The following PCNX4 variants were observed in gnomAD, a reference collection of about 807,000 sequenced individuals.
The protein encoded by PCNX4 is pecanex-like protein 4.
PCNX4 carries 103 observed loss-of-function variants against 107.2 expected under a neutral mutation model. That is an observed-to-expected ratio of 0.96 (90% CI 0.82 to 1.13). The LOEUF (loss-of-function observed/expected upper bound fraction) is 1.13. Ranked by LOEUF, PCNX4 falls within the 50% of genes most tolerant of loss-of-function variation. PCNX4 has a pLI of 0.00. For synonymous variants in PCNX4, 541 were observed against 481.7 expected (o/e 1.12, Z -1.61); for missense variants, 1,528 against 1,379.4 (o/e 1.11, Z -1.71).
At chr14:60,101,869 A>G (rs1334138988) in intron 1 of PCNX4, among the ~76,000 whole-genome samples, 1 of 152,222 alleles carries the variant, frequency 6.6e-6, no homozygotes, top group Non-Finnish European at 1.5e-5. Context: ...AAAATGTGGT[A>G]TAGACATACA....
At position 60,107,981 on chromosome 14, in the gene PCNX4, GA is replaced by G; in HGVS notation, c.344del (p.Glu115GlyfsTer23). ...LTTDILAEED[E>X]HEFTSCTGAE... ...CACGGATATCTTAGCAGAGGAGGATGAGCATGAATTTACCAGTTGTACTGGT... is the reference window on the plus strand; with the variant it reads ...CACGGATATCTTAGCAGAGGAGGATGGCATGAATTTACCAGTTGTACTGGT... On this transcript the variant is annotated frameshift_variant, in exon 2 of 11. Coordinates refer to ENST00000406854, the MANE Select transcript of PCNX4 (RefSeq NM_001330177.2). LOFTEE classifies it high-confidence loss of function. 1 of 1,612,874 alleles carries G rather than the reference GA, an allele frequency of 6.2e-7. No individual in the cohort carries two copies. The highest frequency in any genetic ancestry group is 8.5e-7 in the Non-Finnish European group (1 of 1,179,868).
At chr14:60,114,574 T>A in intron 2 of PCNX4, 126 bp from the exon 3 acceptor site, 1 of 713,404 alleles carries the variant, frequency 1.4e-6, no homozygotes, top group South Asian at 2.3e-5. Context: ...AAGACTTTTC[T>A]GTGGTGTGTG....
At position 60,115,249 on chromosome 14, in the gene PCNX4, T is replaced by A; in HGVS notation, c.1145T>A (p.Ile382Asn). The change falls in exon 4 of 11, where the codon ATT becomes AAT. Residue 382 changes from isoleucine (I) to asparagine (N), a missense_variant. Coordinates refer to ENST00000406854, the MANE Select transcript of PCNX4 (RefSeq NM_001330177.2). ...CATCACTTTGCTGGCTTCTCACAGA[T>A]TTCTAAAAGCAATTCCCAGGCTATT... The part of the protein sequence containing the change: ...LLHHFAGFSQ[I>N]SKSNSQAIVG... 1 of 1,612,886 alleles carries A rather than the reference T, an allele frequency of 6.2e-7. No homozygotes were observed. The highest frequency in any genetic ancestry group is 8.5e-7 in the Non-Finnish European group (1 of 1,179,100).
At position 60,145,062 on chromosome 14, in the gene PCNX4, C is replaced by T. The variant is rs372289501; in HGVS notation, c.*10841C>T. 1.1e-4 allele frequency: 149 copies of T among 1,312,754 alleles called. No individual in the cohort carries two copies. The African/African-American group carries it at 1.8e-3, about 16-fold the overall frequency. The allele number at this position is 1,312,754 out of a possible 1,614,324, so 81.3% of individuals were successfully genotyped here. ...GGATCAGTACCTACTCCTATTTACTCCAGTTTTTAACATTTAAGTCCTTCT... is the reference window on the plus strand; with the variant it reads ...GGATCAGTACCTACTCCTATTTACTTCAGTTTTTAACATTTAAGTCCTTCT... On this transcript the variant is annotated 3_prime_UTR_variant, in exon 11 of 11. Transcript: ENST00000406854. This position sits in a 1 kb window ranked among gnomAD's most constrained non-coding sequence, Gnocchi z 4.0.
chr14:60,101,833 G>A (rs57212087), intron 1 of PCNX4, among the ~76,000 whole-genome samples: 1 of 152,240 alleles, frequency 6.6e-6, no homozygotes, highest in East Asian at 1.9e-4. Context: ...CAACTTAAAT[G>A]TCCATCAACA....
At position 60,144,981 on chromosome 14, in the gene PCNX4, CTTAAAGATT is replaced by C. The variant is rs762984902; in HGVS notation, c.*10766_*10774del. The C allele has an allele frequency of 3.2e-5, 51 of 1,603,138 alleles. No homozygotes were observed. The highest frequency in any genetic ancestry group is 4.2e-5 in the Non-Finnish European group (49 of 1,177,030). Reference sequence around the variant, plus strand: ...GGTGCTCTTTTCAGTCATGTTTTGTCTTAAAGATTTTAAAATAAGAAGAGTCTGCATCCT... The same window carrying C: ...GGTGCTCTTTTCAGTCATGTTTTGTCTTAAAATAAGAAGAGTCTGCATCCT... On this transcript the variant is annotated 3_prime_UTR_variant, in exon 11 of 11. Coordinates refer to ENST00000406854, the MANE Select transcript of PCNX4 (RefSeq NM_001330177.2).
intron 8 of PCNX4, among the ~76,000 whole-genome samples, chr14:60,122,957 A>G (rs959549341): frequency 6.6e-6 from 1 of 152,106 alleles, no homozygotes; most frequent in African/African-American, 2.4e-5. Context: ...ACTTGTTAGA[A>G]GTGGAAATTC....
intron 2 of PCNX4, chr14:60,108,754 A>G (rs1315668068): frequency 2.6e-5 from 1 of 38,100 alleles, no homozygotes; most frequent in African/African-American, 5.2e-5. Context: ...TATGATAGCA[A>G]CAATAGTAGA....
chr14:60,098,900 TG>T (rs1895478327), intron 1 of PCNX4, among the ~76,000 whole-genome samples: 1 of 151,346 alleles, frequency 6.6e-6, no homozygotes, highest in African/African-American at 2.4e-5. Context: ...ATCATGCCAT[TG>T]TACTCCAGCC....
rs1896023058 is a variant in PCNX4, at chr14:60,124,877, C to G, written c.2706C>G (p.Phe902Leu). 6.2e-7 allele frequency: 1 copy of G among 1,613,654 alleles called. No homozygotes were observed. The stretch of plus-strand genomic sequence containing the variant: ...TGCCATATATTCCTCTCATGGAGTT[C>G]AGTTGTTCACATTCTCACTTAGTAT... ...EDMPYIPLME[F>L]SCSHSHLVCL... Residue 902 changes from phenylalanine (F) to leucine (L), a missense_variant, in exon 9 of 11, where the codon TTC (phenylalanine) becomes TTG (leucine). Coordinates refer to ENST00000406854, the MANE Select transcript of PCNX4 (RefSeq NM_001330177.2).
intron 10 of PCNX4, among the ~76,000 whole-genome samples, chr14:60,126,951 G>A (rs565407994): frequency 2.6e-5 from 4 of 152,134 alleles, no homozygotes; most frequent in African/African-American, 4.8e-5. Flanking sequence ...CAGAAGTGTC[G>A]CTCAAGAGAG....
intron 1 of PCNX4, among the ~76,000 whole-genome samples, chr14:60,097,411 TTACTC>T (rs1460613860): frequency 6.6e-6 from 1 of 152,162 alleles, no homozygotes; most frequent in Non-Finnish European, 1.5e-5. Flanking sequence ...GGGAATTGCT[TTACTC>T]TACTATTTGC....
intron 9 of PCNX4, 142 bp downstream of exon 9, chr14:60,125,393 G>A: frequency 1.0e-6 from 1 of 974,376 alleles, no homozygotes; most frequent in Non-Finnish European, 1.4e-6. Flanking sequence ...TTCATGTGTA[G>A]TGTGATTGTA....
intron 1 of PCNX4, among the ~76,000 whole-genome samples, chr14:60,094,765 C>CA (rs930151244): frequency 2.6e-5 from 3 of 114,066 alleles, no homozygotes; most frequent in South Asian, 3.3e-4. Context: ...TGTAGAGCCC[C>CA]CCCCCACCCC....
rs532662648 is a variant in PCNX4, at chr14:60,143,613, C to T, written c.*9392C>T. On this transcript the variant is annotated 3_prime_UTR_variant, in exon 11 of 11. Transcript: ENST00000406854. ...TTTATTTCTTCACTTATGACTATGC[C>T]TCTAGTACATATCCATGTTGTTATG... is the stretch of plus-strand genomic sequence containing the variant. 6.6e-6 allele frequency: 1 copy of T among 152,296 alleles called. No homozygotes were observed. Among genetic ancestry groups the T allele is most frequent in the South Asian group, 2.1e-4 (1 of 4,826 alleles). 9.4% of individuals were successfully genotyped at this position (152,296 alleles called of 1,614,324 possible).
At chr14:60,098,142 G>A (rs901070815) in intron 1 of PCNX4, among the ~76,000 whole-genome samples, 1 of 151,952 alleles carries the variant, frequency 6.6e-6, no homozygotes, top group Non-Finnish European at 1.5e-5. Context: ...ACCCCTCCCG[G>A]ACCAGAGACA....
At chr14:60,092,736 T>C (rs1470789226) in intron 1 of PCNX4, among the ~76,000 whole-genome samples, 1 of 152,170 alleles carries the variant, frequency 6.6e-6, no homozygotes, top group Non-Finnish European at 1.5e-5. Context: ...AGAACTGTAC[T>C]CTCGCAATAT....
chr14:60,122,075 A>G (rs1001846518), intron 8 of PCNX4, among the ~76,000 whole-genome samples: 17 of 151,996 alleles, frequency 1.1e-4, no homozygotes, highest in Non-Finnish European at 2.4e-4. Context: ...TTTCACTTGT[A>G]TACTCCCACG....
chr14:60,138,273 C>A lies in PCNX4; in HGVS notation c.*4052C>A, dbSNP rs905298040. ...AGACATAGAGTTAACTTGAGAAGAT[C>A]TAACATACACGTAACTGGATTTCCA... On this transcript the variant is annotated 3_prime_UTR_variant, in exon 11 of 11. Coordinates refer to ENST00000406854, the MANE Select transcript of PCNX4 (RefSeq NM_001330177.2). 6.6e-6 allele frequency: 1 copy of A among 151,982 alleles called. No individual in the cohort carries two copies. Among genetic ancestry groups the A allele is most frequent in the Non-Finnish European group, 1.5e-5 (1 of 67,994 alleles). 9.4% of individuals were successfully genotyped at this position (151,982 alleles called of 1,614,324 possible).
Sources: gnomAD v4.1 joint callset for allele counts (sites outside exome capture counted in the v4.1 genomes callset) on GRCh38, gnomAD v4.1.1 for gene constraint, Gnocchi (gnomAD v3.1) non-coding constraint, MANE v1.5 for transcripts, NCBI Gene and HGNC (gene_info 2026-07-23, HGNC 2026-07-21) for gene names.